MMD: variants seen among roughly 807,000 people sequenced by gnomAD.
MMD encodes monocyte to macrophage differentiation factor.
Under a neutral mutation model 33.6 loss-of-function variants are expected in MMD, and 22 were observed. That is an observed-to-expected ratio of 0.66 (90% CI 0.47 to 0.94). The LOEUF is 0.94. Among genes scored for constraint, MMD ranks in the 40% least tolerant of loss-of-function variants. The probability of loss-of-function intolerance (pLI) is 0.00; values close to 1 mark genes in which losing one functional copy is unlikely to be tolerated. For missense variants in MMD, 242 were observed against 309.8 expected (o/e 0.78, Z 1.64); for synonymous variants, 97 against 103.2 (o/e 0.94, Z 0.36).
intron 3 of MMD, among the ~76,000 whole-genome samples, chr17:55,410,750 C>T (rs1485400080): frequency 1.3e-5 from 2 of 152,172 alleles, no homozygotes; most frequent in East Asian, 3.8e-4. Context: ...TTTCAAGTAC[C>T]TTATCTCATT....
At chr17:55,414,401 A>G (rs1907883654) in intron 1 of MMD, among the ~76,000 whole-genome samples, 169 bp from the exon 2 acceptor site, 1 of 152,188 alleles carries the variant, frequency 6.6e-6, no homozygotes, top group Admixed American at 6.5e-5. Flanking sequence ...CTGAGCCAAT[A>G]GCAATGATCC....
chr17:55,404,882 T>G, intron 4 of MMD: 1 of 341,476 alleles, frequency 2.9e-6, no homozygotes, highest in South Asian at 1.2e-4. Flanking sequence ...GCCAACATGG[T>G]GGAACCCAGT....
intron 5 of MMD, 139 bp downstream of exon 5, chr17:55,403,628 A>G: frequency 3.6e-6 from 2 of 561,622 alleles, no homozygotes; most frequent in Non-Finnish European, 5.9e-6. Flanking sequence ...AATGGTTTTG[A>G]AGATTTATTA....
intron 4 of MMD, among the ~76,000 whole-genome samples, chr17:55,404,247 C>T (rs138303413): frequency 6.6e-6 from 1 of 151,866 alleles, no homozygotes. Flanking sequence ...CCAAGTTGCT[C>T]GGGAGGCTGA....
chr17:55,408,207 C>T (rs143742872), intron 3 of MMD, among the ~76,000 whole-genome samples: 160 of 152,266 alleles, frequency 1.1e-3, no homozygotes, highest in Non-Finnish European at 1.5e-3. Context: ...CGCAACCTGC[C>T]CCAGCTCCTA....
At chr17:55,411,080 T>G (rs930714715) in intron 3 of MMD, among the ~76,000 whole-genome samples, 177 bp downstream of exon 3, 1 of 152,216 alleles carries the variant, frequency 6.6e-6, no homozygotes, top group Non-Finnish European at 1.5e-5. Context: ...GGAGGAGTCC[T>G]AAAACTTCAT....
chr17:55,414,305 G>A, intron 1 of MMD, 73 bp from the exon 2 acceptor site: 3 of 1,379,052 alleles, frequency 2.2e-6, no homozygotes, highest in Non-Finnish European at 3.1e-6. Flanking sequence ...CCCACCAGTG[G>A]GTATGTGGTC....
intron 6 of MMD, among the ~76,000 whole-genome samples, chr17:55,395,875 A>AT (rs1473438791): frequency 6.6e-6 from 1 of 152,204 alleles, no homozygotes; most frequent in African/African-American, 2.4e-5. Context: ...CTCTTCTAGG[A>AT]TAGGGGTAAG....
rs1444756000 is a variant in MMD, at chr17:55,414,203, C to T, written c.56G>A (p.Gly19Asp). 1 of 1,613,854 alleles carries T rather than the reference C, an allele frequency of 6.2e-7. No individual in the cohort carries two copies. Among genetic ancestry groups the T allele is most frequent in the Non-Finnish European group, 8.5e-7 (1 of 1,179,820 alleles). Residue 19 changes from glycine to aspartate, a missense_variant, in exon 2 of 7, where the codon GGC becomes GAC. Coordinates refer to ENST00000262065, the MANE Select transcript of MMD (RefSeq NM_012329.3). Reference protein sequence around the residue: ...RFMNHRAPANGRYKPTCYEHA... With the variant: ...RFMNHRAPANDRYKPTCYEHA... The stretch of plus-strand genomic sequence containing the variant: ...TTCATAGCAAGTTGGCTTGTAGCGG[C>T]CATTGGCTGGAGCTCGATGGTTCAT...
chr17:55,394,337 T>A lies in MMD; in HGVS notation c.714A>T (p.Leu238Phe), dbSNP rs760853100. 4 of 1,373,012 alleles carry A rather than the reference T, an allele frequency of 2.9e-6. No homozygotes were observed. The highest frequency in any genetic ancestry group is 1.9e-6 in the Non-Finnish European group (2 of 1,056,288). The allele number at this position is 1,373,012 out of a possible 1,614,324, so 85.1% of individuals were successfully genotyped here. ...YRSPTDFMRH[L>F] ...TTGGAGAATTAGTACAGATTGGTCATAAATGCCGCATAAAGTCCGTAGGAC... is the reference window on the plus strand; with the variant it reads ...TTGGAGAATTAGTACAGATTGGTCAAAAATGCCGCATAAAGTCCGTAGGAC... The change falls in exon 7 of 7, where the codon TTA (leucine) becomes TTT (phenylalanine). Residue 238 changes from leucine to phenylalanine, a missense_variant. Coordinates refer to ENST00000262065, the MANE Select transcript of MMD (RefSeq NM_012329.3).
rs1266191863 is a variant in MMD at position 55,394,279 on chromosome 17, AC to A, written c.*54del. 1 of 1,251,606 alleles carries A rather than the reference AC, an allele frequency of 8.0e-7. No homozygotes were observed. The highest frequency in any genetic ancestry group is 1.0e-6 in the Non-Finnish European group (1 of 964,114). 77.5% of individuals were successfully genotyped at this position (1,251,606 alleles called of 1,614,324 possible). On this transcript the variant is annotated 3_prime_UTR_variant, in exon 7 of 7. Transcript: ENST00000262065. ...CTGTGCAATGTTTAGCTCTCACCCC[AC>A]TCCCAAGTGCCATAATTGAAATAAT...
intron 5 of MMD, among the ~76,000 whole-genome samples, chr17:55,402,647 G>A (rs1242199566): frequency 6.6e-6 from 1 of 152,184 alleles, no homozygotes; most frequent in Admixed American, 6.5e-5. Flanking sequence ...GGGGAAGAAT[G>A]GGTTTATGGG....
At chr17:55,421,637 CG>C in intron 1 of MMD, 32 bp downstream of exon 1, 1 of 1,598,774 alleles carries the variant, frequency 6.3e-7, no homozygotes, top group Non-Finnish European at 8.5e-7. Flanking sequence ...GCTTCTGACA[CG>C]GGCAGCGGGA....
At chr17:55,411,707 T>A (rs1351572457) in intron 2 of MMD, among the ~76,000 whole-genome samples, 3 of 150,760 alleles carry the variant, frequency 2.0e-5, no homozygotes, top group Admixed American at 1.3e-4. Context: ...TTTTTTTTTT[T>A]ATCCTAATTT....
chr17:55,404,365 A>G (rs1907461521), intron 4 of MMD: 2 of 712,684 alleles, frequency 2.8e-6, no homozygotes, highest in South Asian at 1.3e-4. Context: ...AAAAAAAAAA[A>G]GAATTAGTTT....
intron 6 of MMD, among the ~76,000 whole-genome samples, chr17:55,395,837 A>G (rs1314537734): frequency 6.6e-6 from 1 of 152,240 alleles, no homozygotes; most frequent in Non-Finnish European, 1.5e-5. Flanking sequence ...CACATTATAC[A>G]AAAGTATTTG....
chr17:55,398,111 CAAAAAAAAA>C (rs57881926), intron 6 of MMD, among the ~76,000 whole-genome samples: 1 of 132,162 alleles, frequency 7.6e-6, no homozygotes, highest in Non-Finnish European at 1.6e-5. Context: ...ATTATTTCTT[CAAAAAAAAA>C]AAAAAAAAAG....
At chr17:55,395,592 G>A (rs1377860081) in intron 6 of MMD, among the ~76,000 whole-genome samples, 1 of 152,220 alleles carries the variant, frequency 6.6e-6, no homozygotes, top group African/African-American at 2.4e-5. Flanking sequence ...AGGACCAGGT[G>A]TGAGGATCTA....
At chr17:55,411,470 G>C in intron 2 of MMD, 53 bp from the exon 3 acceptor site, 2 of 1,529,980 alleles carry the variant, frequency 1.3e-6, no homozygotes, top group Non-Finnish European at 1.8e-6. Context: ...TTATGGAATT[G>C]AGTCTTTTAC....
Sources: gnomAD v4.1 joint callset for allele counts (sites outside exome capture counted in the v4.1 genomes callset) on GRCh38, gnomAD v4.1.1 for gene constraint, MANE v1.5 for transcripts, NCBI Gene and HGNC (gene_info 2026-07-23, HGNC 2026-07-21) for gene names.